The following GFI1B variants were observed in gnomAD, a reference collection of about 807,000 sequenced individuals.
GFI1B encodes the protein zinc finger protein Gfi-1b.
Under a neutral mutation model 35.3 loss-of-function variants are expected in GFI1B, and 20 were observed. That is an observed-to-expected ratio of 0.57 (90% CI 0.40 to 0.82). The LOEUF (loss-of-function observed/expected upper bound fraction) is 0.82. GFI1B is among the 40% of genes least tolerant of loss of function. The pLI, the probability that GFI1B is intolerant of heterozygous loss-of-function variation, is 0.00. For missense variants in GFI1B, 430 were observed against 446.3 expected (o/e 0.96, Z 0.33); for synonymous variants, 178 against 177.6 (o/e 1.00, Z -0.02).
At chr9:132,963,614 A>G (rs72759451) in intron 1 of GFI1B, 14,914 of 151,986 alleles carry the variant, frequency 0.098, 789 homozygotes, top group African/African-American at 0.14. Flanking sequence ...TAGCCTCCCA[A>G]AGTGCTAGGA....
intron 1 of GFI1B, among the ~76,000 whole-genome samples, chr9:132,979,517 G>A (rs769605509): frequency 6.6e-5 from 10 of 152,114 alleles, no homozygotes; most frequent in Non-Finnish European, 8.8e-5. Flanking sequence ...GGGATTACAG[G>A]CATTAGCCAC....
intron 1 of GFI1B, among the ~76,000 whole-genome samples, chr9:132,968,428 A>G (rs1461093945): frequency 1.3e-5 from 2 of 152,110 alleles, no homozygotes; most frequent in South Asian, 2.1e-4. Flanking sequence ...GGGCTGCAAT[A>G]TATGTATTTT....
At chr9:132,960,003 A>G (rs1848340594) in intron 1 of GFI1B, among the ~76,000 whole-genome samples, 1 of 152,152 alleles carries the variant, frequency 6.6e-6, no homozygotes, top group East Asian at 1.9e-4. Context: ...TGGGATGAGG[A>G]GATAATTCAG....
At chr9:132,984,312 G>C (rs189806022) in intron 1 of GFI1B, among the ~76,000 whole-genome samples, 138 of 152,198 alleles carry the variant, frequency 9.1e-4, no homozygotes, top group Admixed American at 1.6e-3. Flanking sequence ...GGGAAGGAAG[G>C]GGGGTGTGGG....
At chr9:132,947,108 G>T (rs1401853872) in intron 1 of GFI1B, 1 of 152,404 alleles carries the variant, frequency 6.6e-6, no homozygotes, top group Non-Finnish European at 1.5e-5. Flanking sequence ...GAGCCTCCCT[G>T]TGACGGGGCT....
intron 3 of GFI1B, among the ~76,000 whole-genome samples, chr9:132,987,722 T>G (rs1849126474): frequency 6.6e-6 from 1 of 151,936 alleles, no homozygotes; most frequent in Non-Finnish European, 1.5e-5. Flanking sequence ...GGAGCCACAG[T>G]GAGGACCCAG....
intron 1 of GFI1B, among the ~76,000 whole-genome samples, chr9:132,967,093 A>G (rs1357482933): frequency 6.6e-6 from 1 of 152,082 alleles, no homozygotes; most frequent in Non-Finnish European, 1.5e-5. Context: ...CCATGGAGAG[A>G]ATTAGTTCTT....
Position 132,987,432 on chromosome 9 carries a change from G to A in GFI1B, c.238+13G>A. ...GCCCCGGCACCAGGTACCCCGCTGT[G>A]ACCCACTGTCATTCCCCAGGGAGTG... is the stretch of plus-strand genomic sequence containing the variant. On this transcript the variant is annotated intron_variant, in intron 3 of 6. Coordinates refer to ENST00000372122, the MANE Select transcript of GFI1B (RefSeq NM_001377304.1). 1 of 1,614,168 alleles carries A rather than the reference G, an allele frequency of 6.2e-7. No homozygotes were observed. The highest frequency in any genetic ancestry group is 1.1e-5 in the South Asian group (1 of 91,062).
Position 132,987,287 on chromosome 9 carries a change from A to G in GFI1B, c.106A>G (p.Arg36Gly), listed in dbSNP as rs975575009. 6 of 1,613,998 alleles carry G rather than the reference A, an allele frequency of 3.7e-6. No homozygotes were observed. Among genetic ancestry groups the G allele is most frequent in the Non-Finnish European group, 4.2e-6 (5 of 1,179,962 alleles). ...ATGGTCCTATCTCCCCACAGTGCCC[A>G]GAGACCAGGCTCCAAGCAACAGCCC... ...LWPPALTPVP[R>G]DQAPSNSPVL... is the part of the protein sequence containing the mutation. Residue 36 changes from arginine to glycine, a missense_variant, in exon 3 of 7, where the codon AGA (arginine) becomes GGA (glycine). By Grantham distance (125) the Arg-to-Gly change is moderately radical. Coordinates refer to ENST00000372122, the MANE Select transcript of GFI1B (RefSeq NM_001377304.1).
intron 1 of GFI1B, chr9:132,953,327 A>G (rs1848230899): frequency 6.6e-6 from 1 of 152,212 alleles, no homozygotes; most frequent in South Asian, 2.1e-4. Flanking sequence ...TGGCTACTAT[A>G]CCATTTCAGA....
At chr9:132,947,455 C>T in intron 1 of GFI1B, among the ~76,000 whole-genome samples, 1 of 149,204 alleles carries the variant, frequency 6.7e-6, no homozygotes, top group Admixed American at 6.6e-5. Flanking sequence ...ATTCATGAAT[C>T]AGGCAGCCTC....
rs772402109 is a variant in GFI1B at position 132,989,735 on chromosome 9, C to G, written c.649-7C>G. The G allele has an allele frequency of 6.2e-7, 1 of 1,613,442 alleles. No individual in the cohort carries two copies. The highest frequency in any genetic ancestry group is 8.5e-7 in the Non-Finnish European group (1 of 1,179,480). On this transcript the variant is annotated splice_region_variant and splice_polypyrimidine_tract_variant and intron_variant, in intron 5 of 6. Transcript: ENST00000372122. This position sits in a 1 kb window ranked among gnomAD's most constrained non-coding sequence, Gnocchi z 6.2. ...CTGACCCCCCGGGGCCTCATTTCCT[C>G]CGGCAGGAGCGCAGCTTCGAGTGCC...
chr9:132,986,547 G>T, intron 1 of GFI1B, 112 bp from the exon 2 acceptor site: 1 of 700,840 alleles, frequency 1.4e-6, no homozygotes, highest in South Asian at 1.5e-5. Flanking sequence ...AACTTTGGGG[G>T]CCACTGTTCA....
At chr9:132,961,422 C>A (rs199550576) in intron 1 of GFI1B, among the ~76,000 whole-genome samples, 921 of 127,656 alleles carry the variant, frequency 7.2e-3, no homozygotes, top group Middle Eastern at 0.012. Context: ...AATTATTTGA[C>A]AAAAAAAAAA....
intron 1 of GFI1B, among the ~76,000 whole-genome samples, chr9:132,957,412 A>G (rs1387123662): frequency 6.6e-6 from 1 of 152,238 alleles, no homozygotes; most frequent in Non-Finnish European, 1.5e-5. Context: ...CTCTACATGT[A>G]TTAAGTGAAG....
Position 132,991,118 on chromosome 9 carries a change from A to G in GFI1B, c.*68A>G, listed in dbSNP as rs1849282411. The G allele has an allele frequency of 4.3e-6, 6 of 1,408,074 alleles. No individual in the cohort carries two copies. The highest frequency in any genetic ancestry group is 1.4e-5 in the African/African-American group (1 of 71,202). 87.2% of individuals were successfully genotyped at this position (1,408,074 alleles called of 1,614,324 possible). ...CCTGTCACCTGGAGGCCAGCCTCAC[A>G]TGCCCAAATCTCCAGTCTCCTGGAG... is the stretch of plus-strand genomic sequence containing the variant. On this transcript the variant is annotated 3_prime_UTR_variant, in exon 7 of 7. Coordinates refer to ENST00000372122, the MANE Select transcript of GFI1B (RefSeq NM_001377304.1).
chr9:132,990,794 G>A, intron 6 of GFI1B, 78 bp from the exon 7 acceptor site: 2 of 1,331,936 alleles, frequency 1.5e-6, no homozygotes, highest in South Asian at 2.4e-5. Flanking sequence ...ATGAACCCGG[G>A]GGCAGGGCAG....
chr9:132,950,700 A>G (rs762300319), intron 1 of GFI1B, among the ~76,000 whole-genome samples: 3 of 80,798 alleles, frequency 3.7e-5, no homozygotes, highest in Non-Finnish European at 7.8e-5. Context: ...ACTACACTAT[A>G]CTATACACTA....
intron 1 of GFI1B, among the ~76,000 whole-genome samples, chr9:132,985,092 A>G (rs1848991794): frequency 6.6e-6 from 1 of 152,068 alleles, no homozygotes; most frequent in Non-Finnish European, 1.5e-5. Context: ...GACTCCTCTG[A>G]CGCCTCAGGC....
Sources: allele counts gnomAD v4.1 joint callset (sites outside exome capture counted in the v4.1 genomes callset), GRCh38; gene constraint gnomAD v4.1.1; non-coding constraint Gnocchi (gnomAD v3.1); transcripts MANE v1.5; gene names NCBI Gene and HGNC (gene_info 2026-07-23, HGNC 2026-07-21).